Variants in TUFT1 observed in about 807,000 individuals in gnomAD.
The protein encoded by TUFT1 is tuftelin 1, also known as tuftelin.
In TUFT1, 43 loss-of-function variants were observed where a neutral mutation model predicts 57.8. The observed-to-expected ratio is 0.74, with a 90% CI of 0.58 to 0.96. The LOEUF is 0.96. Among genes scored for constraint, TUFT1 ranks in the 40% least tolerant of loss-of-function variants. The pLI is 0.00. For missense variants in TUFT1, 459 were observed against 489.0 expected, an observed-to-expected ratio of 0.94 and a Z score of 0.58; for synonymous variants, 166 against 176.7, an observed-to-expected ratio of 0.94 and a Z score of 0.48.
chr1:151,563,993 G>A lies in TUFT1; in HGVS notation c.324+3G>A. ...GTGAGGTCCAGTACATCCAGGAGGT[G>A]GGCACCCCTTACCTCTCACGCAGTG... On this transcript the variant is annotated splice_donor_region_variant and intron_variant, in intron 4 of 12. Transcript: ENST00000368849. 1 of 1,612,912 alleles carries A rather than the reference G, an allele frequency of 6.2e-7. No individual in the cohort carries two copies. Among genetic ancestry groups the A allele is most frequent in the Non-Finnish European group, 8.5e-7 (1 of 1,179,096 alleles).
chr1:151,560,802 G>C (rs1479893927), intron 1 of TUFT1, among the ~76,000 whole-genome samples: 1 of 152,168 alleles, frequency 6.6e-6, no homozygotes, highest in Non-Finnish European at 1.5e-5. Flanking sequence ...ATCCATAGTG[G>C]CTAAGCCCCT....
At chr1:151,572,669 T>A (rs1666295462) in intron 7 of TUFT1, among the ~76,000 whole-genome samples, 1 of 152,184 alleles carries the variant, frequency 6.6e-6, no homozygotes, top group Admixed American at 6.5e-5. Context: ...AAAGGCAAGA[T>A]GATCAATTAC....
chr1:151,550,803 C>G (rs540670680), intron 1 of TUFT1, among the ~76,000 whole-genome samples: 16 of 152,226 alleles, frequency 1.1e-4, no homozygotes, highest in South Asian at 6.2e-4. Context: ...TGGTGCACGC[C>G]TGTAGTCCAG....
chr1:151,556,707 C>T (rs1012525930), intron 1 of TUFT1, among the ~76,000 whole-genome samples: 1 of 152,154 alleles, frequency 6.6e-6, no homozygotes, highest in South Asian at 2.1e-4. Context: ...CAGTGACTCA[C>T]GCCTGTAATC....
At chr1:151,566,717 G>T (rs1379041334) in intron 6 of TUFT1, among the ~76,000 whole-genome samples, 1 of 151,764 alleles carries the variant, frequency 6.6e-6, no homozygotes, top group Non-Finnish European at 1.5e-5. Context: ...ATATATACAT[G>T]ATAAATATAT....
intron 1 of TUFT1, among the ~76,000 whole-genome samples, chr1:151,553,807 G>A (rs1271652851): frequency 6.6e-6 from 1 of 152,104 alleles, no homozygotes; most frequent in African/African-American, 2.4e-5. Context: ...CACATCTGCT[G>A]AACACTTCGT....
In TUFT1 at chr1:151,578,777, A is replaced by G; in HGVS notation, c.875A>G (p.Asp292Gly). 6.3e-7 allele frequency: 1 copy of G among 1,585,106 alleles called. No individual in the cohort carries two copies. The highest frequency in any genetic ancestry group is 8.6e-7 in the Non-Finnish European group (1 of 1,164,400). The change falls in exon 10 of 13, where the codon GAT becomes GGT. Residue 292 changes from aspartate (D) to glycine (G), a missense_variant. By Grantham distance (94) the Asp-to-Gly change is moderately conservative. Transcript: ENST00000368849. ...AGLREKIHHL[D>G]DMLKSQQRKV... is the part of the protein sequence containing the mutation. ...TTGCGGGAGAAGATCCACCACTTGG[A>G]TGACATGCTCAAGAGCCAGCAGCGG...
Position 151,582,023 on chromosome 1 carries a change from G to A in TUFT1, c.*316G>A, listed in dbSNP as rs1666660765. 1 of 574,618 alleles carries A rather than the reference G, an allele frequency of 1.7e-6. No homozygotes were observed. Among genetic ancestry groups the A allele is most frequent in the Non-Finnish European group, 3.3e-6 (1 of 305,054 alleles). 35.6% of individuals were successfully genotyped at this position (574,618 alleles called of 1,614,324 possible). A position where few individuals can be genotyped will look rare whatever the true frequency, so the allele number is the denominator to read the frequency against. On this transcript the variant is annotated 3_prime_UTR_variant, in exon 13 of 13. Coordinates refer to ENST00000368849, the MANE Select transcript of TUFT1 (RefSeq NM_020127.3). Reference sequence around the variant, plus strand: ...CCCTTCTGTTGTAGACTGGACTCTGGCTGTGCCATAAGCCAGGCCTTCATC... The same window carrying A: ...CCCTTCTGTTGTAGACTGGACTCTGACTGTGCCATAAGCCAGGCCTTCATC...
At chr1:151,578,933 A>G in intron 10 of TUFT1, 107 bp downstream of exon 10, 1 of 839,618 alleles carries the variant, frequency 1.2e-6, no homozygotes. Context: ...CCCATGTCAA[A>G]CATTTATAGC....
At chr1:151,561,625 G>A in intron 1 of TUFT1, 1 of 1,186,702 alleles carries the variant, frequency 8.4e-7, no homozygotes, top group Non-Finnish European at 1.1e-6. Flanking sequence ...CATAGAAATG[G>A]GAGTTTGAAT....
chr1:151,556,472 G>A (rs1290854687), intron 1 of TUFT1, among the ~76,000 whole-genome samples: 4 of 149,514 alleles, frequency 2.7e-5, no homozygotes, highest in Admixed American at 2.7e-4. Flanking sequence ...GCTGTGGTAT[G>A]ATAGCAGCTA....
At chr1:151,549,914 G>T (rs1665455935) in intron 1 of TUFT1, among the ~76,000 whole-genome samples, 1 of 152,158 alleles carries the variant, frequency 6.6e-6, no homozygotes, top group African/African-American at 2.4e-5. Context: ...TAGAGACAGG[G>T]TCTCATTATG....
intron 1 of TUFT1, among the ~76,000 whole-genome samples, chr1:151,544,544 G>C (rs555782727): frequency 1.3e-5 from 2 of 152,082 alleles, no homozygotes; most frequent in Admixed American, 1.3e-4. Context: ...TGATCTGCCC[G>C]CTTCGGCCTT....
intron 1 of TUFT1, among the ~76,000 whole-genome samples, chr1:151,547,463 T>C (rs566071570): frequency 6.6e-6 from 1 of 151,894 alleles, no homozygotes; most frequent in Non-Finnish European, 1.5e-5. Context: ...TTTCTAGGGG[T>C]TGGGAAGGTT....
At chr1:151,569,845 T>G in intron 7 of TUFT1, 75 bp downstream of exon 7, 1 of 1,200,370 alleles carries the variant, frequency 8.3e-7, no homozygotes, top group South Asian at 1.2e-5. Flanking sequence ...ATGTCTCAGC[T>G]TGGACTTCCT....
chr1:151,550,178 C>T (rs1665466355), intron 1 of TUFT1, among the ~76,000 whole-genome samples: 1 of 151,818 alleles, frequency 6.6e-6, no homozygotes, highest in African/African-American at 2.4e-5. Context: ...ATTACAGGTG[C>T]CCACCACCAC....
At chr1:151,564,221 G>A (rs1324473619) in intron 4 of TUFT1, among the ~76,000 whole-genome samples, 3 of 151,994 alleles carry the variant, frequency 2.0e-5, no homozygotes, top group Admixed American at 6.6e-5. Flanking sequence ...GCCACCTATC[G>A]AAAATTACCA....
At chr1:151,558,210 C>T (rs948564179) in intron 1 of TUFT1, among the ~76,000 whole-genome samples, 6 of 151,906 alleles carry the variant, frequency 3.9e-5, no homozygotes, top group Non-Finnish European at 8.8e-5. Context: ...TGATTTCCCC[C>T]TCATTTCTGA....
At chr1:151,574,201 T>C in intron 7 of TUFT1, 69 bp from the exon 8 acceptor site, 1 of 1,554,648 alleles carries the variant, frequency 6.4e-7, no homozygotes, top group Non-Finnish European at 8.7e-7. Context: ...CTGGGTTCTT[T>C]TCTAAGGTTT....
Sources: gnomAD v4.1 joint callset for allele counts (sites outside exome capture counted in the v4.1 genomes callset) on GRCh38, gnomAD v4.1.1 for gene constraint, MANE v1.5 for transcripts, NCBI Gene and HGNC (gene_info 2026-07-23, HGNC 2026-07-21) for gene names.